The following ATP8B4 variants were observed in gnomAD, a reference collection of about 807,000 sequenced individuals.
ATP8B4 encodes the protein probable phospholipid-transporting ATPase IM.
A neutral mutation model predicts 145.6 loss-of-function variants in ATP8B4; 133 were observed. The observed-to-expected ratio is 0.91, with a 90% CI of 0.79 to 1.05. The LOEUF is 1.05. Ranked by LOEUF, ATP8B4 falls within the 50% of genes least tolerant of loss-of-function variation. The pLI is 0.00. For missense variants in ATP8B4, 1,458 were observed against 1,425.2 expected, an observed-to-expected ratio of 1.02 and a Z score of -0.37; for synonymous variants, 507 against 492.9, an observed-to-expected ratio of 1.03 and a Z score of -0.38.
rs200301030 is a variant in ATP8B4 at position 49,901,257 on chromosome 15, A to G, written c.2142-18T>C. 5.6e-6 allele frequency: 9 copies of G among 1,610,868 alleles called. No homozygotes were observed. Among genetic ancestry groups the G allele is most frequent in the Non-Finnish European group, 6.8e-6 (8 of 1,177,984 alleles). On this transcript the variant is annotated intron_variant, in intron 20 of 27. Transcript: ENST00000284509. ...TTGCTTTCCTTAAAGGAGAGGGTGA[A>G]AAGTGAAACATAACAAAGCATACAG...
chr15:50,130,731 G>C (rs1324369326), intron 1 of ATP8B4, among the ~76,000 whole-genome samples: 1 of 151,978 alleles, frequency 6.6e-6, no homozygotes, highest in African/African-American at 2.4e-5. Flanking sequence ...AGTCGAGATG[G>C]TGCCACTGCA....
intron 14 of ATP8B4, among the ~76,000 whole-genome samples, chr15:49,938,412 A>C (rs538412792): frequency 1.8e-4 from 27 of 152,276 alleles, no homozygotes; most frequent in African/African-American, 5.3e-4. Context: ...AAGTTGGAGA[A>C]AGTTCTGTCA....
At chr15:50,180,080 T>G (rs1400792420) in intron 1 of ATP8B4, among the ~76,000 whole-genome samples, 2 of 152,152 alleles carry the variant, frequency 1.3e-5, no homozygotes, top group Non-Finnish European at 2.9e-5. Flanking sequence ...TTGATTATAC[T>G]CTCACCCCCA....
At chr15:50,015,749 C>T (rs1034433087) in intron 6 of ATP8B4, among the ~76,000 whole-genome samples, 7 of 152,230 alleles carry the variant, frequency 4.6e-5, no homozygotes, top group African/African-American at 9.6e-5. Context: ...CCCCTAATAA[C>T]AGACTGGTGA....
At chr15:50,105,169 G>T (rs941051580) in intron 2 of ATP8B4, among the ~76,000 whole-genome samples, 1 of 150,948 alleles carries the variant, frequency 6.6e-6, no homozygotes, top group African/African-American at 2.4e-5. Context: ...CTCAGGTGAT[G>T]GGTGCACCAA....
At chr15:49,972,886 A>T in intron 12 of ATP8B4, 96 bp from the exon 13 acceptor site, 1 of 1,204,174 alleles carries the variant, frequency 8.3e-7, no homozygotes. Context: ...CAAAGTCTCC[A>T]GGGGTTAGAG....
chr15:49,985,546 C>T (rs16963149), intron 10 of ATP8B4, among the ~76,000 whole-genome samples: 47,711 of 152,064 alleles, frequency 0.31, 8,711 homozygotes, highest in African/African-American at 0.51. Flanking sequence ...TCTAATTAAG[C>T]TTTCTGCTAA....
At chr15:50,017,283 A>C (rs894233904) in intron 6 of ATP8B4, among the ~76,000 whole-genome samples, 1 of 152,244 alleles carries the variant, frequency 6.6e-6, no homozygotes, top group Admixed American at 6.5e-5. Flanking sequence ...CCGACTATCT[A>C]ACTATCCTAA....
chr15:50,000,774 C>G (rs2047821242), intron 8 of ATP8B4, among the ~76,000 whole-genome samples: 2 of 152,058 alleles, frequency 1.3e-5, no homozygotes, highest in African/African-American at 4.8e-5. Context: ...AAGAATCTGA[C>G]CAGACAGCCC....
intron 2 of ATP8B4, among the ~76,000 whole-genome samples, chr15:50,080,579 T>C (rs929389982): frequency 2.6e-5 from 4 of 151,998 alleles, no homozygotes; most frequent in African/African-American, 9.7e-5. Flanking sequence ...GAGAGGGACA[T>C]AATACTATCT....
chr15:49,883,339 G>C (rs186372769), intron 23 of ATP8B4: 2 of 152,208 alleles, frequency 1.3e-5, no homozygotes, highest in African/African-American at 4.8e-5. Context: ...ACACTTATTT[G>C]ACAACTATCA....
intron 3 of ATP8B4, among the ~76,000 whole-genome samples, chr15:50,051,279 C>T (rs1043693456): frequency 1.3e-5 from 2 of 152,184 alleles, no homozygotes; most frequent in Non-Finnish European, 2.9e-5. Flanking sequence ...CATCATGACT[C>T]TAAGATTCCT....
intron 9 of ATP8B4, among the ~76,000 whole-genome samples, chr15:49,988,938 G>T (rs1219831648): frequency 6.6e-6 from 1 of 152,154 alleles, no homozygotes; most frequent in Non-Finnish European, 1.5e-5. Flanking sequence ...AGGAATGAGG[G>T]ACTTATGTCC....
chr15:49,870,362 AG>A (rs1344830153), intron 25 of ATP8B4, among the ~76,000 whole-genome samples: 10 of 152,252 alleles, frequency 6.6e-5, no homozygotes, highest in Admixed American at 1.3e-4. Flanking sequence ...TAGTAGTTAA[AG>A]AAGGGAAGGA....
intron 19 of ATP8B4, among the ~76,000 whole-genome samples, chr15:49,917,983 T>C (rs980021480): frequency 1.3e-5 from 2 of 152,196 alleles, no homozygotes; most frequent in African/African-American, 4.8e-5. Flanking sequence ...TTGTGATCAA[T>C]GATTTGGATA....
intron 15 of ATP8B4, among the ~76,000 whole-genome samples, chr15:49,932,753 C>T (rs1469275838): frequency 6.6e-6 from 1 of 151,896 alleles, no homozygotes; most frequent in Non-Finnish European, 1.5e-5. Flanking sequence ...AAGCCATAGC[C>T]CAGTACCTGT....
At chr15:49,976,518 G>T (rs552334550) in intron 12 of ATP8B4, among the ~76,000 whole-genome samples, 1 of 152,114 alleles carries the variant, frequency 6.6e-6, no homozygotes, top group East Asian at 1.9e-4. Context: ...AGAACTCAGG[G>T]ATTTGGGAAA....
At chr15:50,018,340 TTAA>T (rs1189894012) in intron 6 of ATP8B4, among the ~76,000 whole-genome samples, 2 of 152,160 alleles carry the variant, frequency 1.3e-5, no homozygotes, top group Non-Finnish European at 2.9e-5. Flanking sequence ...TCACCCTGCA[TTAA>T]TGAGTTTAAG....
intron 1 of ATP8B4, among the ~76,000 whole-genome samples, chr15:50,147,594 G>C (rs2044295456): frequency 1.3e-5 from 2 of 152,104 alleles, no homozygotes; most frequent in South Asian, 4.1e-4. Context: ...CCAGGGCTGG[G>C]TCAAGGGAAG....
Sources: allele counts gnomAD v4.1 joint callset (sites outside exome capture counted in the v4.1 genomes callset), GRCh38; gene constraint gnomAD v4.1.1; transcripts MANE v1.5; gene names NCBI Gene and HGNC (gene_info 2026-07-23, HGNC 2026-07-21).